The following NEO1 variants were observed in gnomAD, a reference collection of about 807,000 sequenced individuals.
NEO1 encodes the protein neogenin.
In NEO1, 63 loss-of-function variants were observed where a neutral mutation model predicts 159.7. That is an observed-to-expected ratio of 0.39 (90% CI 0.32 to 0.49). NEO1 has a LOEUF of 0.49. Among genes scored for constraint, NEO1 ranks in the 20% least tolerant of loss-of-function variants. NEO1 has a pLI of 0.85. For missense variants in NEO1, 1,615 were observed against 1,831.0 expected (o/e 0.88, Z 2.15); for synonymous variants, 633 against 662.0 (o/e 0.96, Z 0.67).
chr15:73,154,050 T>C (rs1400792452), intron 5 of NEO1, among the ~76,000 whole-genome samples: 7 of 152,192 alleles, frequency 4.6e-5, no homozygotes, highest in Non-Finnish European at 1.0e-4. Context: ...ACCTGACAAA[T>C]TTTTAAAATA....
chr15:73,160,731 T>A (rs1027979168), intron 5 of NEO1, among the ~76,000 whole-genome samples: 4 of 152,174 alleles, frequency 2.6e-5, no homozygotes, highest in African/African-American at 9.7e-5. Context: ...GGCATGGACT[T>A]TCCATGTCCT....
chr15:73,067,436 A>T (rs1252246508), intron 1 of NEO1, among the ~76,000 whole-genome samples: 3 of 149,090 alleles, frequency 2.0e-5, no homozygotes, highest in African/African-American at 7.4e-5. Flanking sequence ...GCTGGTTGAC[A>T]TGGATGCTTT....
At chr15:73,174,935 G>A (rs369086359) in intron 5 of NEO1, among the ~76,000 whole-genome samples, 4 of 152,236 alleles carry the variant, frequency 2.6e-5, no homozygotes, top group African/African-American at 7.2e-5. Context: ...AATGTATGTT[G>A]TTTCCTAAGA....
intron 14 of NEO1, among the ~76,000 whole-genome samples, chr15:73,259,467 T>A (rs2040520722): frequency 6.7e-6 from 1 of 148,414 alleles, no homozygotes; most frequent in African/African-American, 2.5e-5. Context: ...TTAAGCACGA[T>A]CCTCCCACCT....
At chr15:73,069,897 T>G (rs984428956) in intron 1 of NEO1, among the ~76,000 whole-genome samples, 4 of 152,204 alleles carry the variant, frequency 2.6e-5, no homozygotes, top group African/African-American at 9.6e-5. Flanking sequence ...GCTTCCACCT[T>G]AAAGCTAGAG....
chr15:73,211,759 A>G (rs985812200), intron 7 of NEO1, among the ~76,000 whole-genome samples: 3 of 132,744 alleles, frequency 2.3e-5, no homozygotes, highest in Non-Finnish European at 5.3e-5. Flanking sequence ...GCAGCAGGCT[A>G]CTGGAGAGAA....
chr15:73,288,266 G>A lies in NEO1; in HGVS notation c.3411-47G>A, dbSNP rs370718744. 99 of 1,549,872 alleles carry A rather than the reference G, an allele frequency of 6.4e-5. No individual in the cohort carries two copies. In the African/African-American group the frequency reaches 1.1e-3, roughly 18 times the overall value. ...ATCACTCAAGCCTTTTGACAAATACGTTCAAATGAGTTACTTTTTAAAAGC... is the reference window on the plus strand; with the variant it reads ...ATCACTCAAGCCTTTTGACAAATACATTCAAATGAGTTACTTTTTAAAAGC... On this transcript the variant is annotated intron_variant, in intron 23 of 28. Coordinates refer to ENST00000261908, the MANE Select transcript of NEO1 (RefSeq NM_002499.4).
chr15:73,163,694 A>G (rs763164069), intron 5 of NEO1, among the ~76,000 whole-genome samples: 7 of 152,186 alleles, frequency 4.6e-5, no homozygotes, highest in Non-Finnish European at 8.8e-5. Flanking sequence ...GGGGTGGGGA[A>G]ACAGAGATTC....
intron 7 of NEO1, among the ~76,000 whole-genome samples, chr15:73,211,827 T>G (rs2037592694): frequency 6.6e-6 from 1 of 152,234 alleles, no homozygotes; most frequent in African/African-American, 2.4e-5. Context: ...TTGAGTCTTT[T>G]GGGTCTCACA....
chr15:73,112,896 G>A (rs750163787), intron 1 of NEO1, among the ~76,000 whole-genome samples: 2 of 152,166 alleles, frequency 1.3e-5, no homozygotes, highest in Non-Finnish European at 2.9e-5. Context: ...CATGGTGTGA[G>A]TAGGCATCTC....
chr15:73,209,007 T>A (rs2152080192), intron 7 of NEO1, among the ~76,000 whole-genome samples: 1 of 152,366 alleles, frequency 6.6e-6, no homozygotes, highest in Admixed American at 6.5e-5. Context: ...TGAGAGCAGA[T>A]GTTTATAAAC....
In NEO1 at chr15:73,072,504, A is replaced by C. The variant is rs117613185; in HGVS notation, c.130+19699A>C. Among the ~76,000 whole-genome samples, 21 of 152,290 alleles carry C rather than the reference A, an allele frequency of 1.4e-4. No homozygotes were observed. In the East Asian group the frequency reaches 4.1e-3, roughly 29 times the overall value. On this transcript the variant is annotated intron_variant, in intron 1 of 28. Transcript: ENST00000261908. ...AATTCAGTAAACCTTTATTGAGTAC[A>C]TGTTGCATGCTCTATGTTGGGACCA...
intron 26 of NEO1, among the ~76,000 whole-genome samples, chr15:73,293,986 A>G: frequency 6.6e-6 from 1 of 152,228 alleles, no homozygotes; most frequent in Non-Finnish European, 1.5e-5. Flanking sequence ...ACCGTGGACC[A>G]AAGTGCAAAC....
intron 27 of NEO1, among the ~76,000 whole-genome samples, chr15:73,298,826 T>G (rs1441242331): frequency 6.6e-6 from 1 of 152,214 alleles, no homozygotes. Flanking sequence ...CGGAGAATAA[T>G]TTGCTGGGAA....
At chr15:73,200,624 C>T in intron 7 of NEO1, among the ~76,000 whole-genome samples, 1 of 142,280 alleles carries the variant, frequency 7.0e-6, no homozygotes. Context: ...GAAAGGGAGT[C>T]TTTTTCATCT....
intron 5 of NEO1, among the ~76,000 whole-genome samples, chr15:73,139,541 T>C (rs1030380440): frequency 6.6e-6 from 1 of 152,206 alleles, no homozygotes; most frequent in Non-Finnish European, 1.5e-5. Flanking sequence ...CATAACAATA[T>C]TGATAAATCC....
chr15:73,217,938 C>T (rs969079951), intron 7 of NEO1, among the ~76,000 whole-genome samples: 3 of 152,044 alleles, frequency 2.0e-5, no homozygotes, highest in African/African-American at 7.2e-5. Context: ...TGCCTAATTG[C>T]CCTGGCCAGA....
chr15:73,146,617 G>A (rs2032919634), intron 5 of NEO1, among the ~76,000 whole-genome samples: 1 of 152,116 alleles, frequency 6.6e-6, no homozygotes, highest in African/African-American at 2.4e-5. Flanking sequence ...TTTCCTAATA[G>A]TTATGTAAAT....
At chr15:73,242,072 C>T (rs2039516347) in intron 8 of NEO1, among the ~76,000 whole-genome samples, 1 of 152,188 alleles carries the variant, frequency 6.6e-6, no homozygotes, top group African/African-American at 2.4e-5. Flanking sequence ...ATGAATGAGA[C>T]AGTCTTTTAC....
Sources: gnomAD v4.1 joint callset for allele counts (sites outside exome capture counted in the v4.1 genomes callset) on GRCh38, gnomAD v4.1.1 for gene constraint, MANE v1.5 for transcripts, NCBI Gene and HGNC (gene_info 2026-07-23, HGNC 2026-07-21) for gene names.